Variants in BMPR1A observed in about 807,000 individuals in gnomAD.
BMPR1A encodes bone morphogenetic protein receptor type-1A.
BMPR1A carries 7 observed loss-of-function variants against 66.0 expected under a neutral mutation model. That is an observed-to-expected ratio of 0.11 (90% CI 0.06 to 0.20). The LOEUF is 0.20. BMPR1A is among the 10% of genes least tolerant of loss of function. The probability of loss-of-function intolerance (pLI) is 1.00; values close to 1 mark genes in which losing one functional copy is unlikely to be tolerated. For synonymous variants in BMPR1A, 200 were observed against 229.7 expected (o/e 0.87, Z 1.17); for missense variants, 408 against 669.1 (o/e 0.61, Z 4.31).
At chr10:86,918,464 A>G (rs1361014473) in intron 9 of BMPR1A, among the ~76,000 whole-genome samples, 3 of 152,116 alleles carry the variant, frequency 2.0e-5, no homozygotes, top group African/African-American at 7.2e-5. Flanking sequence ...GAGTTGGCTT[A>G]ATTAGGAGCT....
At chr10:86,801,520 C>T (rs553873626) in intron 1 of BMPR1A, among the ~76,000 whole-genome samples, 11 of 152,210 alleles carry the variant, frequency 7.2e-5, no homozygotes, top group African/African-American at 2.6e-4. Flanking sequence ...CTGTTTCTCC[C>T]CTCTCTTCTT....
At chr10:86,784,386 A>G (rs1401126160) in intron 1 of BMPR1A, among the ~76,000 whole-genome samples, 3 of 152,094 alleles carry the variant, frequency 2.0e-5, no homozygotes, top group African/African-American at 7.2e-5. Context: ...CATTCGGTTA[A>G]TGTGGTGTAT....
At chr10:86,795,513 T>C (rs1841695930) in intron 1 of BMPR1A, among the ~76,000 whole-genome samples, 2 of 152,126 alleles carry the variant, frequency 1.3e-5, no homozygotes, top group Admixed American at 1.3e-4. Context: ...TTTCTAAAAG[T>C]TGCTGTGAAG....
At chr10:86,837,231 CTG>C (rs140440137) in intron 1 of BMPR1A, among the ~76,000 whole-genome samples, 1 of 143,646 alleles carries the variant, frequency 7.0e-6, no homozygotes, top group Non-Finnish European at 1.5e-5. Flanking sequence ...TAGAATCAGG[CTG>C]TGTGTGTGTG....
rs537428402 is a variant in BMPR1A at position 86,758,771 on chromosome 10, T to A, written c.-268+1852T>A. Among the ~76,000 whole-genome samples, 41 of 152,346 alleles carry A rather than the reference T, an allele frequency of 2.7e-4. No individual in the cohort carries two copies. In the Middle Eastern group the frequency reaches 0.017, roughly 63 times the overall value. ...CCACTCATTTCTTAACCCCTTGTTA[T>A]CTGGATTTCACCTTCACAAGGAACT... is the stretch of plus-strand genomic sequence containing the variant. On this transcript the variant is annotated intron_variant, in intron 1 of 12. Transcript: ENST00000372037.
At chr10:86,841,613 G>C (rs1473942615) in intron 2 of BMPR1A, among the ~76,000 whole-genome samples, 1 of 152,124 alleles carries the variant, frequency 6.6e-6, no homozygotes, top group African/African-American at 2.4e-5. Flanking sequence ...GCCATTTCCT[G>C]GCATTCAACT....
chr10:86,903,809 G>A lies in BMPR1A; in HGVS notation c.530+3683G>A, dbSNP rs1049857060. On this transcript the variant is annotated intron_variant, in intron 7 of 12. Transcript: ENST00000372037. ...TTTTTAGTAGAGACGGGGTTTCATCGTGTTAGCCAGATGGTCTCGATCTCC... is the reference window on the plus strand; with the variant it reads ...TTTTTAGTAGAGACGGGGTTTCATCATGTTAGCCAGATGGTCTCGATCTCC... 3.3e-5 allele frequency among the ~76,000 whole-genome samples: 5 copies of A among 152,066 alleles called. No homozygotes were observed. In the South Asian group the frequency reaches 6.2e-4, roughly 19 times the overall value.
chr10:86,812,568 A>C (rs1841986062), intron 1 of BMPR1A, among the ~76,000 whole-genome samples: 2 of 152,222 alleles, frequency 1.3e-5, no homozygotes, highest in African/African-American at 4.8e-5. Flanking sequence ...ACAGTGCTGT[A>C]TGCCTTTTAG....
At chr10:86,931,485 A>G (rs1017340627), downstream of BMPR1A, 4 of 151,542 alleles carry the variant, frequency 2.6e-5, no homozygotes, top group Admixed American at 1.3e-4. Flanking sequence ...TGAAAGACCT[A>G]CACTGCTGTG....
At chr10:86,812,438 T>C (rs1328104408) in intron 1 of BMPR1A, among the ~76,000 whole-genome samples, 2 of 152,228 alleles carry the variant, frequency 1.3e-5, no homozygotes, top group African/African-American at 4.8e-5. Context: ...ACGTGTTGTG[T>C]CCAGTTTTTG....
At chr10:86,822,837 C>T (rs977417922) in intron 1 of BMPR1A, among the ~76,000 whole-genome samples, 4 of 151,900 alleles carry the variant, frequency 2.6e-5, no homozygotes, top group Non-Finnish European at 4.4e-5. Context: ...ACCATGTTGG[C>T]CAGGCTGGTC....
At chr10:86,783,698 C>T (rs1466595043) in intron 1 of BMPR1A, among the ~76,000 whole-genome samples, 3 of 152,328 alleles carry the variant, frequency 2.0e-5, no homozygotes, top group East Asian at 1.9e-4. Flanking sequence ...AAGAGATCCT[C>T]CTGCCTCAGC....
At chr10:86,836,283 G>A (rs75685545) in intron 1 of BMPR1A, among the ~76,000 whole-genome samples, 187 of 139,910 alleles carry the variant, frequency 1.3e-3, no homozygotes, top group East Asian at 0.011. Flanking sequence ...TAGGACTATA[G>A]CACTATATTG....
chr10:86,817,256 TC>T (rs1238119372), intron 1 of BMPR1A, among the ~76,000 whole-genome samples: 2 of 152,192 alleles, frequency 1.3e-5, no homozygotes, highest in Non-Finnish European at 2.9e-5. Flanking sequence ...TCTCCCTTCT[TC>T]CCTTTCCCCA....
intron 11 of BMPR1A, 146 bp downstream of exon 11, chr10:86,921,841 G>C (rs994047228): frequency 7.5e-5 from 74 of 991,548 alleles, no homozygotes; most frequent in Non-Finnish European, 1.1e-4. Flanking sequence ...TTTGATACAG[G>C]CATGCCATGT....
At chr10:86,818,792 T>G (rs1842073236) in intron 1 of BMPR1A, among the ~76,000 whole-genome samples, 1 of 152,350 alleles carries the variant, frequency 6.6e-6, no homozygotes, top group East Asian at 1.9e-4. Flanking sequence ...GAGTTCCATC[T>G]CTGCCACCCA....
intron 1 of BMPR1A, among the ~76,000 whole-genome samples, chr10:86,811,645 CT>C (rs1481363689): frequency 6.6e-6 from 1 of 152,090 alleles, no homozygotes. Flanking sequence ...TTTTGTCTAT[CT>C]TACAGGCAGT....
intron 1 of BMPR1A, among the ~76,000 whole-genome samples, chr10:86,769,791 C>A (rs934068461): frequency 2.0e-5 from 3 of 152,186 alleles, no homozygotes; most frequent in African/African-American, 7.2e-5. Context: ...AATGGAGTAT[C>A]TGATTACCTA....
At chr10:86,903,427 G>A (rs1311616455) in intron 7 of BMPR1A, among the ~76,000 whole-genome samples, 11 of 151,956 alleles carry the variant, frequency 7.2e-5, no homozygotes, top group Non-Finnish European at 1.6e-4. Context: ...GTGACAGACT[G>A]TAGAAGAAAA....
Sources: gnomAD v4.1 joint callset for allele counts (sites outside exome capture counted in the v4.1 genomes callset) on GRCh38, gnomAD v4.1.1 for gene constraint, MANE v1.5 for transcripts, NCBI Gene and HGNC (gene_info 2026-07-23, HGNC 2026-07-21) for gene names.